The following RBFOX3 variants were observed in gnomAD, a reference collection of about 807,000 sequenced individuals.
RBFOX3 encodes the protein RNA binding protein fox-1 homolog 3.
RBFOX3 carries 17 observed loss-of-function variants against 48.7 expected under a neutral mutation model. That is an observed-to-expected ratio of 0.35 (90% confidence interval 0.24 to 0.52). The LOEUF (loss-of-function observed/expected upper bound fraction) is 0.52, where lower values mean the gene tolerates loss of function less well. RBFOX3 is among the 20% of genes least tolerant of loss of function. The pLI, the probability that RBFOX3 is intolerant of heterozygous loss-of-function variation, is 0.94. For synonymous variants in RBFOX3, 212 were observed against 209.5 expected (o/e 1.01, Z -0.10); for missense variants, 382 against 497.5 (o/e 0.77, Z 2.21).
chr17:79,187,311 C>G (rs1025265536), intron 4 of RBFOX3, among the ~76,000 whole-genome samples: 1 of 152,200 alleles, frequency 6.6e-6, no homozygotes, highest in African/African-American at 2.4e-5. Flanking sequence ...CCTCTTTCCC[C>G]TTCCAGGCGC....
At chr17:79,610,283 C>T in intron 1 of RBFOX3, among the ~76,000 whole-genome samples, 1 of 152,120 alleles carries the variant, frequency 6.6e-6, no homozygotes, top group Non-Finnish European at 1.5e-5. Flanking sequence ...GCCTGGGTGC[C>T]GCGACAGACG....
At chr17:79,514,481 C>T (rs1429269412) in intron 1 of RBFOX3, among the ~76,000 whole-genome samples, 3 of 152,280 alleles carry the variant, frequency 2.0e-5, no homozygotes, top group African/African-American at 7.2e-5. Flanking sequence ...CCTCACACAC[C>T]CAGGTGGCCT....
At chr17:79,458,398 A>G (rs1489969943) in intron 2 of RBFOX3, among the ~76,000 whole-genome samples, 2 of 152,198 alleles carry the variant, frequency 1.3e-5, no homozygotes, top group Non-Finnish European at 2.9e-5. Flanking sequence ...GAGATGGGGC[A>G]GTACACAGGG....
At chr17:79,457,491 G>A (rs572048566) in intron 2 of RBFOX3, among the ~76,000 whole-genome samples, 12 of 152,292 alleles carry the variant, frequency 7.9e-5, no homozygotes, top group African/African-American at 2.4e-4. Flanking sequence ...CTTCTAACGC[G>A]CCTTCATGTC....
intron 2 of RBFOX3, among the ~76,000 whole-genome samples, chr17:79,334,297 T>C (rs1490422098): frequency 6.6e-6 from 1 of 152,172 alleles, no homozygotes; most frequent in Non-Finnish European, 1.5e-5. Flanking sequence ...CTCCTGCATC[T>C]GCCATCTCAG....
intron 1 of RBFOX3, among the ~76,000 whole-genome samples, chr17:79,559,624 G>A (rs1339781466): frequency 2.7e-5 from 1 of 37,508 alleles, no homozygotes; most frequent in Non-Finnish European, 9.1e-5. Flanking sequence ...TAGATGGATG[G>A]ATGGGTGGAT....
In RBFOX3 at chr17:79,106,802, A is replaced by T. The variant is rs1203404870; in HGVS notation, c.223-14T>A. ...CTCGTCTGTCTGCTGCAGGGAGAGGACTGGGCTGTGGAGGCTGCCTCTGTG... is the reference window on the plus strand; with the variant it reads ...CTCGTCTGTCTGCTGCAGGGAGAGGTCTGGGCTGTGGAGGCTGCCTCTGTG... On this transcript the variant is annotated splice_polypyrimidine_tract_variant and intron_variant, in intron 5 of 14. Transcript: ENST00000693108. 5 of 1,505,892 alleles carry T rather than the reference A, an allele frequency of 3.3e-6. No homozygotes were observed. Among genetic ancestry groups the T allele is most frequent in the Non-Finnish European group, 4.4e-6 (5 of 1,130,772 alleles). 93.3% of individuals were successfully genotyped at this position (1,505,892 alleles called of 1,614,324 possible).
chr17:79,292,584 GCA>G (rs937932598), intron 3 of RBFOX3, among the ~76,000 whole-genome samples: 43 of 63,642 alleles, frequency 6.8e-4, no homozygotes, highest in Admixed American at 9.0e-4. Context: ...ACACACACAT[GCA>G]CACACACACA....
chr17:79,559,460 T>C (rs923789780), intron 1 of RBFOX3, among the ~76,000 whole-genome samples: 5 of 145,984 alleles, frequency 3.4e-5, no homozygotes, highest in Non-Finnish European at 6.0e-5. Flanking sequence ...AGGTGGATGG[T>C]GACTGATGGA....
chr17:79,091,160 C>T (rs929515894), intron 14 of RBFOX3, among the ~76,000 whole-genome samples: 4 of 152,174 alleles, frequency 2.6e-5, no homozygotes, highest in Admixed American at 6.5e-5. Context: ...TGGGCCAGCA[C>T]AGGCTTCGAG....
intron 3 of RBFOX3, among the ~76,000 whole-genome samples, chr17:79,292,182 G>A (rs1013902602): frequency 1.3e-5 from 2 of 152,166 alleles, no homozygotes; most frequent in African/African-American, 4.8e-5. Context: ...GAAGCCAGGA[G>A]ATGCCTGGTG....
chr17:79,647,931 A>G, the RBFOX3 span, among the ~76,000 whole-genome samples: 1 of 151,436 alleles, frequency 6.6e-6, no homozygotes, highest in African/African-American at 2.4e-5. Context: ...GTGGACACAG[A>G]GCCCACCTGG....
chr17:79,606,355 T>C (rs1326843740), intron 1 of RBFOX3, among the ~76,000 whole-genome samples: 4 of 152,192 alleles, frequency 2.6e-5, no homozygotes, highest in Non-Finnish European at 5.9e-5. Flanking sequence ...AGCACATCCC[T>C]AGGCCCCTAA....
chr17:79,525,119 G>A (rs1026316799), intron 1 of RBFOX3, among the ~76,000 whole-genome samples: 7 of 152,144 alleles, frequency 4.6e-5, no homozygotes, highest in Non-Finnish European at 1.0e-4. Flanking sequence ...CCAGAGTTCG[G>A]CACTGTTGAC....
chr17:79,450,186 C>A (rs545158224), intron 2 of RBFOX3, among the ~76,000 whole-genome samples: 2 of 152,220 alleles, frequency 1.3e-5, no homozygotes, highest in African/African-American at 4.8e-5. Flanking sequence ...AAAAGTCACC[C>A]GTGGGTGTAC....
intron 2 of RBFOX3, among the ~76,000 whole-genome samples, chr17:79,382,097 AG>A (rs2059998950): frequency 6.6e-6 from 1 of 152,200 alleles, no homozygotes; most frequent in Admixed American, 6.5e-5. Context: ...ACAGAATAGG[AG>A]ACCGTGCTGG....
the RBFOX3 span, among the ~76,000 whole-genome samples, chr17:79,634,514 C>G: frequency 6.6e-6 from 1 of 152,172 alleles, no homozygotes; most frequent in African/African-American, 2.4e-5. Context: ...CCCCAGAACC[C>G]CGGCGTTCCC....
At chr17:79,563,757 C>T (rs2092346903) in intron 1 of RBFOX3, among the ~76,000 whole-genome samples, 2 of 152,120 alleles carry the variant, frequency 1.3e-5, no homozygotes, top group African/African-American at 4.8e-5. Context: ...CCCCACTGGC[C>T]GGGAGTCTAG....
At chr17:79,507,078 C>T (rs2083252821) in intron 1 of RBFOX3, among the ~76,000 whole-genome samples, 1 of 152,152 alleles carries the variant, frequency 6.6e-6, no homozygotes, top group East Asian at 1.9e-4. Context: ...GGCAGGAGAG[C>T]GGAGGAGCCT....
Sources: gnomAD v4.1 joint callset for allele counts (sites outside exome capture counted in the v4.1 genomes callset) on GRCh38, gnomAD v4.1.1 for gene constraint, MANE v1.5 for transcripts, NCBI Gene and HGNC (gene_info 2026-07-23, HGNC 2026-07-21) for gene names.